Variants in GALR1 observed in about 807,000 individuals in gnomAD.
The protein encoded by GALR1 is galanin receptor 1.
GALR1 carries 11 observed loss-of-function variants against 17.9 expected under a neutral mutation model. The observed-to-expected ratio is 0.62, with a 90% confidence interval of 0.39 to 1.02. The LOEUF is 1.02. Ranked by LOEUF, GALR1 falls within the 50% of genes least tolerant of loss-of-function variation. GALR1 has a pLI of 0.01. For synonymous variants in GALR1, 206 were observed against 205.7 expected (o/e 1.00, Z -0.01); for missense variants, 441 against 456.9 (o/e 0.97, Z 0.32).
At position 77,271,246 on chromosome 18, in the gene GALR1, A is replaced by AACCCC. The variant is rs1913055960; in HGVS notation, c.*2344_*2345insACCCC. On this transcript the variant is annotated 3_prime_UTR_variant, in exon 3 of 3. Transcript: ENST00000299727. ...CAAAAAGTAATAGCTTGCGCTTGAA[A>AACCCC]CCCCCCCCCCCCCGCCACTTTGCTA... 2.3e-4 allele frequency: 18 copies of AACCCC among 77,950 alleles called. No individual in the cohort carries two copies. Among genetic ancestry groups the AACCCC allele is most frequent in the Non-Finnish European group, 4.0e-4 (14 of 35,090 alleles). The allele number at this position is 77,950 out of a possible 1,614,324, so 4.8% of individuals were successfully genotyped here.
chr18:77,259,694 G>T (rs1912784471), intron 2 of GALR1, among the ~76,000 whole-genome samples: 1 of 38,206 alleles, frequency 2.6e-5, no homozygotes, highest in African/African-American at 8.6e-5. Context: ...GGTGGCAATT[G>T]TGGTGATGGT....
chr18:77,253,497 G>A (rs977361107), intron 1 of GALR1, among the ~76,000 whole-genome samples: 4 of 152,202 alleles, frequency 2.6e-5, no homozygotes, highest in African/African-American at 9.6e-5. Context: ...AGGGAGAAGA[G>A]CTAAAATCTT....
Position 77,268,841 on chromosome 18 carries a change from A to T in GALR1, c.989A>T (p.Asp330Val). 6.2e-7 allele frequency: 1 copy of T among 1,613,898 alleles called. No homozygotes were observed. Among genetic ancestry groups the T allele is most frequent in the Non-Finnish European group, 8.5e-7 (1 of 1,179,816 alleles). ...CHIRKDSHLS[D>V]TKESKSRIDT... ...ATTCGCAAAGATTCACACCTGAGTG[A>T]TACTAAAGAAAGTAAAAGTCGAATA... Residue 330 changes from aspartate to valine, a missense_variant, in exon 3 of 3, where the codon GAT becomes GTT. Physicochemically the swap from Asp to Val is radical, Grantham distance 152 (BLOSUM62 -3). Coordinates refer to ENST00000299727, the MANE Select transcript of GALR1 (RefSeq NM_001480.4).
intron 2 of GALR1, among the ~76,000 whole-genome samples, chr18:77,263,769 G>A (rs1462313150): frequency 6.6e-6 from 1 of 152,094 alleles, no homozygotes; most frequent in African/African-American, 2.4e-5. Context: ...TCCTTGAAGA[G>A]CTGGCATCTC....
At chr18:77,252,944 C>A (rs896566199) in intron 1 of GALR1, among the ~76,000 whole-genome samples, 1 of 58,680 alleles carries the variant, frequency 1.7e-5, no homozygotes, top group Non-Finnish European at 4.1e-5. Flanking sequence ...ACCACCACCA[C>A]CACCATCACC....
chr18:77,260,483 A>T (rs543786358), intron 2 of GALR1, among the ~76,000 whole-genome samples: 9 of 152,308 alleles, frequency 5.9e-5, no homozygotes, highest in African/African-American at 2.2e-4. Flanking sequence ...CTCATGACCT[A>T]ATTACCATCC....
At chr18:77,267,532 G>T (rs1912969019) in intron 2 of GALR1, among the ~76,000 whole-genome samples, 1 of 152,260 alleles carries the variant, frequency 6.6e-6, no homozygotes, top group South Asian at 2.1e-4. Flanking sequence ...TGGCTCTGTT[G>T]TGACCATCGC....
At chr18:77,268,462 A>C in intron 2 of GALR1, 123 bp from the exon 3 acceptor site, 1 of 672,964 alleles carries the variant, frequency 1.5e-6, no homozygotes, top group South Asian at 1.9e-5. Flanking sequence ...ACATAAAATT[A>C]GCTTAGGATG....
At position 77,250,715 on chromosome 18, in the gene GALR1, C is replaced by G. The variant is rs1368735965; in HGVS notation, c.167C>G (p.Thr56Ser). The change falls in exon 1 of 3, where the codon ACC becomes AGC. Residue 56 changes from threonine (T) to serine (S), a missense_variant. Transcript: ENST00000299727. ...GTGCTGGGCAACAGCCTAGTGATCA[C>G]CGTGCTGGCGCGCAGCAAGCCGGGC... ...LGVLGNSLVI[T>S]VLARSKPGKP... 6.2e-7 allele frequency: 1 copy of G among 1,613,676 alleles called. No individual in the cohort carries two copies. Among genetic ancestry groups the G allele is most frequent in the South Asian group, 1.1e-5 (1 of 91,080 alleles).
Position 77,276,909 on chromosome 18 carries a change from T to C in GALR1, c.*8007T>C, listed in dbSNP as rs1369198496. ...CTTGTAAGACTTTCAGAGATTGTTA[T>C]AATTTTTGCCTCAAAAAAATAAAAT... On this transcript the variant is annotated 3_prime_UTR_variant, in exon 3 of 3. Transcript: ENST00000299727. 3 of 152,214 alleles carry C rather than the reference T, an allele frequency of 2.0e-5. No homozygotes were observed. The highest frequency in any genetic ancestry group is 4.8e-5 in the African/African-American group (2 of 41,442). 9.4% of individuals were successfully genotyped at this position (152,214 alleles called of 1,614,324 possible). A position where few individuals can be genotyped will look rare whatever the true frequency, so the allele number is the denominator to read the frequency against.
chr18:77,264,968 T>C (rs1912915363), intron 2 of GALR1, among the ~76,000 whole-genome samples: 1 of 152,264 alleles, frequency 6.6e-6, no homozygotes. Context: ...CCAAACCATG[T>C]CTTACTGCTC....
intron 2 of GALR1, among the ~76,000 whole-genome samples, chr18:77,263,047 T>A (rs1438910649): frequency 6.6e-6 from 1 of 152,214 alleles, no homozygotes; most frequent in Non-Finnish European, 1.5e-5. Context: ...TGGGATAGAT[T>A]TCTGCTTTGT....
chr18:77,262,218 TAAA>T (rs796942805), intron 2 of GALR1, among the ~76,000 whole-genome samples: 2 of 125,480 alleles, frequency 1.6e-5, no homozygotes, highest in Non-Finnish European at 3.5e-5. Context: ...CTATCCGAAT[TAAA>T]AAAAAAAAAA....
intron 2 of GALR1, among the ~76,000 whole-genome samples, chr18:77,264,451 A>G (rs759341654): frequency 6.6e-6 from 1 of 151,526 alleles, no homozygotes; most frequent in African/African-American, 2.4e-5. Context: ...CCACTTATCC[A>G]TTTTAGAGTA....
intron 2 of GALR1, among the ~76,000 whole-genome samples, chr18:77,260,791 G>C (rs1912813755): frequency 6.6e-6 from 1 of 152,134 alleles, no homozygotes; most frequent in African/African-American, 2.4e-5. Context: ...AAATGTTTCT[G>C]GCTCAAAGCT....
At chr18:77,254,463 G>T (rs1326084062) in intron 1 of GALR1, among the ~76,000 whole-genome samples, 1 of 152,248 alleles carries the variant, frequency 6.6e-6, no homozygotes, top group Non-Finnish European at 1.5e-5. Flanking sequence ...ATTGGAGCTC[G>T]GCAGCGTTAT....
intron 1 of GALR1, among the ~76,000 whole-genome samples, chr18:77,253,034 TCACCACCAC>T (rs1221810035): frequency 1.4e-4 from 6 of 43,914 alleles, no homozygotes; most frequent in East Asian, 7.7e-4. Context: ...ATCACCACCA[TCACCACCAC>T]CACCACCACC....
At chr18:77,264,941 T>G (rs1440673927) in intron 2 of GALR1, among the ~76,000 whole-genome samples, 1 of 152,172 alleles carries the variant, frequency 6.6e-6, no homozygotes, top group African/African-American at 2.4e-5. Flanking sequence ...AGATAAGATT[T>G]GGGTGGGAAC....
rs200111121 is a variant in GALR1, at chr18:77,256,216, A to G, written c.725A>G (p.Lys242Arg). 86 of 1,557,534 alleles carry G rather than the reference A, an allele frequency of 5.5e-5. No individual in the cohort carries two copies. The highest frequency in any genetic ancestry group is 7.1e-5 in the Non-Finnish European group (80 of 1,129,054). ...ATGTCAAAGAAGTCTGAAGCATCCAAGAAAAAGGTAATGATCACAAATATA... is the reference window on the plus strand; with the variant it reads ...ATGTCAAAGAAGTCTGAAGCATCCAGGAAAAAGGTAATGATCACAAATATA... The part of the protein sequence containing the change: ...KNMSKKSEAS[K>R]KKTAQTVLVV... The change falls in exon 2 of 3, where the codon AAG (lysine) becomes AGG (arginine). Residue 242 changes from lysine to arginine, a missense_variant. Coordinates refer to ENST00000299727, the MANE Select transcript of GALR1 (RefSeq NM_001480.4).
Sources: allele counts gnomAD v4.1 joint callset (sites outside exome capture counted in the v4.1 genomes callset), GRCh38; gene constraint gnomAD v4.1.1; transcripts MANE v1.5; gene names NCBI Gene and HGNC (gene_info 2026-07-23, HGNC 2026-07-21).